The following TRPC4 variants were observed in gnomAD, a reference collection of about 807,000 sequenced individuals.
TRPC4 encodes the protein transient receptor potential cation channel subfamily C member 4.
TRPC4 carries 49 observed loss-of-function variants against 99.4 expected under a neutral mutation model. The observed-to-expected ratio is 0.49, with a 90% CI of 0.39 to 0.63. The LOEUF is 0.63. TRPC4 is among the 20% of genes least tolerant of loss of function. TRPC4 has a pLI of 0.00. For missense variants in TRPC4, 898 were observed against 1,152.9 expected (o/e 0.78, Z 3.20); for synonymous variants, 454 against 425.9 (o/e 1.07, Z -0.81).
chr13:37,693,120 T>A (rs984696486), intron 3 of TRPC4, among the ~76,000 whole-genome samples: 14 of 152,150 alleles, frequency 9.2e-5, no homozygotes, highest in African/African-American at 3.4e-4. Flanking sequence ...GAATATCTGG[T>A]CCAGGATTTT....
At chr13:37,813,723 A>G (rs916391179) in intron 1 of TRPC4, among the ~76,000 whole-genome samples, 5 of 151,876 alleles carry the variant, frequency 3.3e-5, no homozygotes, top group African/African-American at 1.2e-4. Context: ...TCAAATTAGT[A>G]AATTATTTTT....
chr13:37,762,064 A>G (rs958724822), intron 2 of TRPC4, among the ~76,000 whole-genome samples: 1 of 151,872 alleles, frequency 6.6e-6, no homozygotes, highest in Non-Finnish European at 1.5e-5. Flanking sequence ...GCAACTTTAA[A>G]TCACCAGCAG....
chr13:37,762,555 A>G (rs1293332268), intron 2 of TRPC4, among the ~76,000 whole-genome samples: 1 of 151,662 alleles, frequency 6.6e-6, no homozygotes, highest in Non-Finnish European at 1.5e-5. Flanking sequence ...TGATGAGTTC[A>G]TGTCCTTTGT....
Position 37,810,564 on chromosome 13 carries a change from A to T in TRPC4, c.-27-27204T>A, listed in dbSNP as rs1180507337. On this transcript the variant is annotated intron_variant, in intron 1 of 10. Transcript: ENST00000379705. ...GGATGGAAGAGTTCACTCTTGTTAA[A>T]CACAAATATATATGTTGCTCCATAA... Among the ~76,000 whole-genome samples the T allele has an allele frequency of 2.0e-5, 3 of 152,120 alleles. No homozygotes were observed. The East Asian group carries it at 5.8e-4, about 29-fold the overall frequency.
intron 3 of TRPC4, among the ~76,000 whole-genome samples, chr13:37,720,316 T>C (rs1162443667): frequency 6.6e-6 from 1 of 152,130 alleles, no homozygotes; most frequent in Non-Finnish European, 1.5e-5. Context: ...CACTAAAATA[T>C]AAGGTGAAAA....
chr13:37,800,951 T>C (rs1488085386), intron 1 of TRPC4, among the ~76,000 whole-genome samples: 1 of 152,016 alleles, frequency 6.6e-6, no homozygotes, highest in Non-Finnish European at 1.5e-5. Flanking sequence ...AAATAAACAT[T>C]TTCGATATTT....
At chr13:37,744,078 A>G (rs1955671545) in intron 3 of TRPC4, among the ~76,000 whole-genome samples, 1 of 152,158 alleles carries the variant, frequency 6.6e-6, no homozygotes, top group African/African-American at 2.4e-5. Flanking sequence ...TCCATTCAAC[A>G]TTTGTAGGAT....
chr13:37,868,994 G>GGAA (rs1403283439), intron 1 of TRPC4, among the ~76,000 whole-genome samples: 1 of 152,084 alleles, frequency 6.6e-6, no homozygotes, highest in Non-Finnish European at 1.5e-5. Flanking sequence ...TGGCTTCATT[G>GGAA]GAATCTCGGT....
At chr13:37,666,507 A>C (rs541019406) in intron 5 of TRPC4, among the ~76,000 whole-genome samples, 1 of 152,296 alleles carries the variant, frequency 6.6e-6, no homozygotes, top group East Asian at 1.9e-4. Context: ...TTTTTATCCC[A>C]TCCTTCACAT....
At chr13:37,709,536 C>T (rs1954404671) in intron 3 of TRPC4, among the ~76,000 whole-genome samples, 1 of 151,816 alleles carries the variant, frequency 6.6e-6, no homozygotes, top group African/African-American at 2.4e-5. Context: ...CTCACCTTTC[C>T]TCCTTCATGC....
At chr13:37,852,356 G>A (rs1459305859) in intron 1 of TRPC4, among the ~76,000 whole-genome samples, 2 of 152,144 alleles carry the variant, frequency 1.3e-5, no homozygotes, top group Admixed American at 1.3e-4. Flanking sequence ...AACATTTCTA[G>A]ACACACTCTG....
chr13:37,676,009 G>T (rs1022047598), intron 4 of TRPC4, among the ~76,000 whole-genome samples: 19 of 151,988 alleles, frequency 1.3e-4, no homozygotes, highest in African/African-American at 3.6e-4. Flanking sequence ...TGAAACTGAC[G>T]GTGGCAACAA....
intron 6 of TRPC4, among the ~76,000 whole-genome samples, chr13:37,662,200 C>T (rs1029283146): frequency 6.6e-6 from 1 of 151,990 alleles, no homozygotes; most frequent in Non-Finnish European, 1.5e-5. Context: ...GCCCCAGCTA[C>T]TCGGGAGGCT....
At chr13:37,794,136 G>GA (rs780812043) in intron 1 of TRPC4, among the ~76,000 whole-genome samples, 2 of 151,924 alleles carry the variant, frequency 1.3e-5, no homozygotes, top group Non-Finnish European at 2.9e-5. Flanking sequence ...CTGTAACAAT[G>GA]AAAAAACTTA....
intron 1 of TRPC4, among the ~76,000 whole-genome samples, chr13:37,824,816 T>C (rs1340690702): frequency 2.0e-5 from 3 of 152,040 alleles, no homozygotes; most frequent in Non-Finnish European, 4.4e-5. Context: ...TCCCTCTTTT[T>C]CTATTGATTG....
At chr13:37,759,027 T>G (rs2139230180) in intron 2 of TRPC4, among the ~76,000 whole-genome samples, 1 of 151,784 alleles carries the variant, frequency 6.6e-6, no homozygotes, top group South Asian at 2.1e-4. Flanking sequence ...AAGGAATATA[T>G]ATCCAAGAAT....
At chr13:37,714,288 G>A (rs1001479725) in intron 3 of TRPC4, among the ~76,000 whole-genome samples, 3 of 151,826 alleles carry the variant, frequency 2.0e-5, no homozygotes, top group African/African-American at 7.3e-5. Context: ...CACCATGCCC[G>A]GCTAATTTTT....
intron 3 of TRPC4, among the ~76,000 whole-genome samples, chr13:37,714,301 A>G (rs1365624565): frequency 1.3e-5 from 2 of 151,596 alleles, no homozygotes; most frequent in Non-Finnish European, 2.9e-5. Context: ...TAATTTTTGT[A>G]TTTTCAGTAG....
chr13:37,740,588 T>C (rs936885284), intron 3 of TRPC4, among the ~76,000 whole-genome samples: 1 of 152,148 alleles, frequency 6.6e-6, no homozygotes, highest in African/African-American at 2.4e-5. Context: ...CTATGCACTG[T>C]AACTCTCACC....
Sources: allele counts gnomAD v4.1 joint callset (sites outside exome capture counted in the v4.1 genomes callset), GRCh38; gene constraint gnomAD v4.1.1; transcripts MANE v1.5; gene names NCBI Gene and HGNC (gene_info 2026-07-23, HGNC 2026-07-21).